Variants in SLC37A1 observed in about 807,000 individuals in gnomAD.
SLC37A1 encodes the protein solute carrier family 37 member 1.
A neutral mutation model predicts 75.3 loss-of-function variants in SLC37A1; 49 were observed. The observed-to-expected ratio is 0.65, with a 90% CI of 0.52 to 0.83. The LOEUF (loss-of-function observed/expected upper bound fraction) is 0.83, where lower values mean the gene tolerates loss of function less well. Among genes scored for constraint, SLC37A1 ranks in the 40% least tolerant of loss-of-function variants. The pLI, the probability that SLC37A1 is intolerant of heterozygous loss-of-function variation, is 0.00. For missense variants in SLC37A1, 566 were observed against 695.0 expected, an observed-to-expected ratio of 0.81 and a Z score of 2.09; for synonymous variants, 268 against 292.1, an observed-to-expected ratio of 0.92 and a Z score of 0.84.
At chr21:42,538,265 T>C (rs969798711) in intron 5 of SLC37A1, among the ~76,000 whole-genome samples, 7 of 152,336 alleles carry the variant, frequency 4.6e-5, no homozygotes, top group Admixed American at 2.6e-4. Context: ...AGCTCTACAA[T>C]GCTCTTGAGT....
chr21:42,536,931 T>C (rs938313486), intron 5 of SLC37A1, among the ~76,000 whole-genome samples: 1 of 152,160 alleles, frequency 6.6e-6, no homozygotes, highest in Non-Finnish European at 1.5e-5. Context: ...AGACCAACCA[T>C]AGTCACACCA....
intron 2 of SLC37A1, among the ~76,000 whole-genome samples, chr21:42,524,531 C>T (rs192267673): frequency 7.7e-4 from 117 of 152,296 alleles, no homozygotes; most frequent in African/African-American, 2.6e-3. Flanking sequence ...ATTTATATGT[C>T]TGCCTTGCTT....
intron 7 of SLC37A1, among the ~76,000 whole-genome samples, chr21:42,542,886 C>T (rs1330588223): frequency 6.6e-6 from 1 of 152,260 alleles, no homozygotes; most frequent in African/African-American, 2.4e-5. Flanking sequence ...CTGGCGAGTC[C>T]AGATTTATTT....
chr21:42,547,218 C>T lies in SLC37A1; in HGVS notation c.768+78C>T, dbSNP rs371479272. On this transcript the variant is annotated intron_variant, in intron 9 of 19. Coordinates refer to ENST00000352133, the MANE Select transcript of SLC37A1 (RefSeq NM_001320537.2). The surrounding 1 kb of genome is among the most constrained non-coding windows in gnomAD (Gnocchi z 6.1). ...CTTCCCCAGCCTGCTCCTGCCTGTG[C>T]GGTGTCAGACAGAAACACACAGGGT... The T allele has an allele frequency of 3.0e-4, 452 of 1,501,836 alleles. 1 individual carries two copies. The African/African-American group carries it at 3.3e-3, about 11-fold the overall frequency. 93.0% of individuals were successfully genotyped at this position (1,501,836 alleles called of 1,614,324 possible). A position where few individuals can be genotyped will look rare whatever the true frequency, so the allele number is the denominator to read the frequency against.
intron 3 of SLC37A1, among the ~76,000 whole-genome samples, chr21:42,531,679 T>G (rs911771703): frequency 6.6e-6 from 1 of 152,214 alleles, no homozygotes. Context: ...TTTGCTCACC[T>G]GGCGAGGGGT....
chr21:42,563,013 G>C (rs541961337), intron 12 of SLC37A1, among the ~76,000 whole-genome samples: 19 of 152,256 alleles, frequency 1.2e-4, no homozygotes, highest in African/African-American at 4.6e-4. Flanking sequence ...GAATACCCTG[G>C]GAGGGAAGTT....
intron 3 of SLC37A1, among the ~76,000 whole-genome samples, chr21:42,530,648 A>ACCCCC (rs2054935328): frequency 1.8e-4 from 5 of 27,660 alleles, no homozygotes; most frequent in Admixed American, 5.6e-4. Context: ...ACACACACAC[A>ACCCCC]CACACACCCC....
In SLC37A1 at chr21:42,530,647, CACACA is replaced by C. The variant is rs1321165156; in HGVS notation, c.139-4050_139-4046del. ...ACACACACACACACACACACACACACACACACACCCCCTCTGTGTTGGCTGAAGGT... is the reference window on the plus strand; with the variant it reads ...ACACACACACACACACACACACACACCACCCCCTCTGTGTTGGCTGAAGGT... On this transcript the variant is annotated intron_variant, in intron 3 of 19. Transcript: ENST00000352133. Among the ~76,000 whole-genome samples, 56 of 31,276 alleles carry C rather than the reference CACACA, an allele frequency of 1.8e-3. 3 individuals are homozygous for C. Among genetic ancestry groups the C allele is most frequent in the South Asian group, 6.0e-3 (7 of 1,170 alleles). 20.5% of individuals were successfully genotyped at this position (31,276 alleles called of 152,430 possible). A position where few individuals can be genotyped will look rare whatever the true frequency, so the allele number is the denominator to read the frequency against.
At chr21:42,535,298 C>G (rs1287277670) in intron 4 of SLC37A1, among the ~76,000 whole-genome samples, 174 bp from the exon 5 acceptor site, 1 of 152,220 alleles carries the variant, frequency 6.6e-6, no homozygotes, top group Non-Finnish European at 1.5e-5. Flanking sequence ...ACTTCATTTT[C>G]CTTTGCAAGA....
intron 13 of SLC37A1, 126 bp from the exon 14 acceptor site, chr21:42,564,582 C>G: frequency 1.4e-6 from 1 of 721,852 alleles, no homozygotes; most frequent in Non-Finnish European, 2.4e-6. Flanking sequence ...GCTGCCTGCC[C>G]GTGATGCATG....
intron 18 of SLC37A1, chr21:42,575,869 G>A: frequency 1.0e-6 from 1 of 985,238 alleles, no homozygotes. Context: ...ATCATCTGTG[G>A]GTTCTTTTAA....
In SLC37A1 at chr21:42,558,984, C is replaced by T. The variant is rs2055757992; in HGVS notation, c.876C>T (p.Leu292=). The change falls in exon 11 of 20, where the codon CTC becomes CTT. Residue 292 remains leucine (L), a synonymous_variant. Coordinates refer to ENST00000352133, the MANE Select transcript of SLC37A1 (RefSeq NM_001320537.2). ...PLDPEMQCLL[L]SDGKGSIHPN... is the part of the protein sequence containing the mutation. ...ACCCAGAGATGCAGTGCCTGCTGCT[C>T]TCAGATGGGAAGGGCTCCATCCACC... The T allele has an allele frequency of 1.9e-6, 3 of 1,613,912 alleles. 1 individual carries two copies. The highest frequency in any genetic ancestry group is 2.5e-6 in the Non-Finnish European group (3 of 1,179,950).
intron 13 of SLC37A1, 43 bp from the exon 14 acceptor site, chr21:42,564,665 T>A: frequency 1.3e-6 from 2 of 1,537,168 alleles, no homozygotes; most frequent in Non-Finnish European, 1.8e-6. Context: ...CGTGGGCTCA[T>A]GCCCTGGGAC....
chr21:42,510,301 C>G (rs766607203), upstream of SLC37A1, among the ~76,000 whole-genome samples: 3 of 152,180 alleles, frequency 2.0e-5, no homozygotes, highest in Non-Finnish European at 4.4e-5. Context: ...GCTGGGATTA[C>G]AGGCGAGAGC....
At chr21:42,503,679 GC>G (rs2054360905) in intron 2 of SLC37A1, among the ~76,000 whole-genome samples, 1 of 152,072 alleles carries the variant, frequency 6.6e-6, no homozygotes, top group Admixed American at 6.5e-5. Context: ...CGTGGCGCTG[GC>G]ATACCTGCTT....
intron 3 of SLC37A1, among the ~76,000 whole-genome samples, chr21:42,529,561 GTAAAA>G (rs979324072): frequency 5.3e-5 from 8 of 152,054 alleles, no homozygotes; most frequent in Non-Finnish European, 8.8e-5. Context: ...TCTCAAAAAA[GTAAAA>G]TAAAATAAAT....
At position 42,564,727 on chromosome 21, in the gene SLC37A1, G is replaced by A. The variant is rs772334214; in HGVS notation, c.1155G>A (p.Val385=). The A allele has an allele frequency of 1.2e-6, 2 of 1,611,140 alleles. No homozygotes were observed. The highest frequency in any genetic ancestry group is 2.2e-5 in the East Asian group (1 of 44,878). The change falls in exon 14 of 20, where the codon GTG becomes GTA. Residue 385 remains valine (V), a synonymous_variant. Coordinates refer to ENST00000352133, the MANE Select transcript of SLC37A1 (RefSeq NM_001320537.2). ...GGIFGGILAG[V]ISDRLEKRAS... ...TTGCAGGTGGGATCCTGGCAGGTGTGATCTCAGACCGACTGGAGAAAAGGG... is the reference window on the plus strand; with the variant it reads ...TTGCAGGTGGGATCCTGGCAGGTGTAATCTCAGACCGACTGGAGAAAAGGG...
At chr21:42,574,530 T>A (rs573923433) in intron 17 of SLC37A1, among the ~76,000 whole-genome samples, 1 of 152,344 alleles carries the variant, frequency 6.6e-6, no homozygotes, top group African/African-American at 2.4e-5. Context: ...GTTGAGCATC[T>A]CAAATCCCAA....
chr21:42,549,185 T>A (rs1006106747), intron 9 of SLC37A1, among the ~76,000 whole-genome samples: 10 of 152,158 alleles, frequency 6.6e-5, no homozygotes, highest in African/African-American at 2.4e-4. Context: ...GCACACACCT[T>A]CCGCCCTGGA....
Sources: gnomAD v4.1 joint callset for allele counts (sites outside exome capture counted in the v4.1 genomes callset) on GRCh38, gnomAD v4.1.1 for gene constraint, Gnocchi (gnomAD v3.1) non-coding constraint, MANE v1.5 for transcripts, NCBI Gene and HGNC (gene_info 2026-07-23, HGNC 2026-07-21) for gene names.